Variants in HIVEP2 observed in about 807,000 individuals in gnomAD.
HIVEP2 encodes the protein transcription factor HIVEP2.
Under a neutral mutation model 180.7 loss-of-function variants are expected in HIVEP2, and 14 were observed. The ratio of observed to expected loss-of-function variants is 0.08; its 90% CI spans 0.05 to 0.12. The LOEUF is 0.12. Ranked by LOEUF, HIVEP2 falls within the 10% of genes least tolerant of loss-of-function variation. The pLI, the probability that HIVEP2 is intolerant of heterozygous loss-of-function variation, is 1.00. For missense variants in HIVEP2, 2,579 were observed against 3,008.5 expected, an observed-to-expected ratio of 0.86 and a Z score of 3.34; for synonymous variants, 1,184 against 1,136.4, an observed-to-expected ratio of 1.04 and a Z score of -0.84.
At chr6:142,818,711 GAAAGAAAGAAAA>G in intron 2 of HIVEP2, among the ~76,000 whole-genome samples, 1 of 37,950 alleles carries the variant, frequency 2.6e-5, no homozygotes, top group Non-Finnish European at 6.0e-5. Flanking sequence ...AAGAAAGAAA[GAAAGAAAGAAAA>G]GAAAGAAAGA....
chr6:142,770,603 A>G lies in HIVEP2; in HGVS notation c.4136T>C (p.Val1379Ala), dbSNP rs1399521001. 1 of 1,614,058 alleles carries G rather than the reference A, an allele frequency of 6.2e-7. No individual in the cohort carries two copies. The highest frequency in any genetic ancestry group is 1.3e-5 in the African/African-American group (1 of 74,922). Residue 1379 changes from valine to alanine, a missense_variant, in exon 5 of 10, where the codon GTC becomes GCC. Val to Ala is a moderately conservative substitution (Grantham distance 64, BLOSUM62 0). This residue lies in a region of HIVEP2 where 523 missense variants were observed against 577.0 expected (regional missense o/e 0.91). Coordinates refer to ENST00000367603, the MANE Select transcript of HIVEP2 (RefSeq NM_006734.4). This position sits in a 1 kb window ranked among gnomAD's most constrained non-coding sequence, Gnocchi z 4.7. ...TATCCCTTGCATGGCTGCGTTGGTG[A>G]CCAGTGTCCTTTGGGTCATATTCTC... ...VDENMTQRTL[V>A]TNAAMQGIGF...
At chr6:142,897,408 A>G (rs1777028088) in intron 1 of HIVEP2, among the ~76,000 whole-genome samples, 1 of 152,250 alleles carries the variant, frequency 6.6e-6, no homozygotes. Context: ...GAGATGTACC[A>G]TAATATTCAT....
chr6:142,847,721 T>A (rs1472538307), intron 1 of HIVEP2, among the ~76,000 whole-genome samples: 1 of 152,230 alleles, frequency 6.6e-6, no homozygotes, highest in African/African-American at 2.4e-5. Context: ...TGCTGAACAT[T>A]ATAAAAACAG....
intron 3 of HIVEP2, among the ~76,000 whole-genome samples, chr6:142,777,309 T>A (rs1432079019): frequency 6.6e-6 from 1 of 152,058 alleles, no homozygotes; most frequent in African/African-American, 2.4e-5. Flanking sequence ...ATATAGAAAC[T>A]TGTTCAGGGG....
Position 142,769,965 on chromosome 6 carries a change from C to G in HIVEP2, c.4774G>C (p.Gly1592Arg), listed in dbSNP as rs1256822769. The change falls in exon 5 of 10, where the codon GGT (glycine) becomes CGT (arginine). Residue 1592 changes from glycine to arginine, a missense_variant. Gly to Arg is a moderately radical substitution (Grantham distance 125, BLOSUM62 -2). Around this residue, in one of 11 missense-constraint regions of HIVEP2, gnomAD observed 349 missense variants for 367.2 expected, o/e 0.95. Coordinates refer to ENST00000367603, the MANE Select transcript of HIVEP2 (RefSeq NM_006734.4). The part of the protein sequence containing the change: ...PQSSSLPAGD[G>R]QLEEEGKGHK... Reference sequence around the variant, plus strand: ...CCCTTCCCTTCCTCTTCCAGCTGACCATCTCCTGCTGGTAATGAAGAACTC... The same window carrying G: ...CCCTTCCCTTCCTCTTCCAGCTGACGATCTCCTGCTGGTAATGAAGAACTC... 6.2e-7 allele frequency: 1 copy of G among 1,614,072 alleles called. No individual in the cohort carries two copies. The highest frequency in any genetic ancestry group is 1.1e-5 in the South Asian group (1 of 91,084).
intron 6 of HIVEP2, among the ~76,000 whole-genome samples, chr6:142,765,326 G>A (rs753150470): frequency 1.1e-4 from 17 of 152,040 alleles, no homozygotes; most frequent in Non-Finnish European, 1.9e-4. Flanking sequence ...TCCAATCAAG[G>A]GACATACAAA....
intron 3 of HIVEP2, among the ~76,000 whole-genome samples, chr6:142,777,869 C>T (rs893236633): frequency 2.6e-5 from 4 of 151,982 alleles, no homozygotes; most frequent in South Asian, 2.1e-4. Context: ...ATTCCTAAAG[C>T]GAAACTCAAA....
intron 3 of HIVEP2, among the ~76,000 whole-genome samples, chr6:142,781,912 G>C (rs1194142644): frequency 6.6e-6 from 1 of 152,066 alleles, no homozygotes; most frequent in African/African-American, 2.4e-5. Context: ...CAGTACCCAG[G>C]GTTGTCAATC....
intron 1 of HIVEP2, among the ~76,000 whole-genome samples, chr6:142,898,477 C>T (rs1777053988): frequency 6.6e-6 from 1 of 152,110 alleles, no homozygotes; most frequent in South Asian, 2.1e-4. Context: ...GCCTGGCCAA[C>T]ATGGCAAAAC....
chr6:142,793,656 C>CTTTCTTTCTTTCTTTTT (rs1269273663), intron 2 of HIVEP2, among the ~76,000 whole-genome samples: 1 of 77,334 alleles, frequency 1.3e-5, no homozygotes, highest in Non-Finnish European at 2.7e-5. Context: ...TTCTTTCTTT[C>CTTTCTTTCTTTCTTTTT]TTTTTTCTTT....
chr6:142,774,696 T>C lies in HIVEP2; in HGVS notation c.43A>G (p.Arg15Gly). Reference protein sequence around the residue: ...DTALGQKATSRSGETDKASGR... With the variant: ...DTALGQKATSGSGETDKASGR... The stretch of plus-strand genomic sequence containing the variant: ...GATGCTTTATCAGTTTCTCCAGACC[T>C]TGAGGTAGCTTTTTGTCCTAGAGCT... The change falls in exon 5 of 10, where the codon AGG becomes GGG. Residue 15 changes from arginine (R) to glycine (G), a missense_variant. Arg to Gly is a moderately radical substitution (Grantham distance 125). Transcript: ENST00000367603. This position sits in a 1 kb window ranked among gnomAD's most constrained non-coding sequence, Gnocchi z 5.1. 6.2e-7 allele frequency: 1 copy of C among 1,614,240 alleles called. No homozygotes were observed. Among genetic ancestry groups the C allele is most frequent in the Non-Finnish European group, 8.5e-7 (1 of 1,180,028 alleles).
intron 1 of HIVEP2, among the ~76,000 whole-genome samples, chr6:142,844,003 T>TG (rs1262105009): frequency 6.6e-6 from 1 of 152,140 alleles, no homozygotes; most frequent in African/African-American, 2.4e-5. Flanking sequence ...ATAAAAAGAA[T>TG]TTTTTTCTCC....
chr6:142,918,889 A>G (rs1045666099), intron 1 of HIVEP2, among the ~76,000 whole-genome samples: 4 of 152,180 alleles, frequency 2.6e-5, no homozygotes, highest in Non-Finnish European at 4.4e-5. Context: ...TTCCCACTAT[A>G]ATTTTTTAAA....
At chr6:142,881,430 T>A (rs1562276983) in intron 1 of HIVEP2, among the ~76,000 whole-genome samples, 1 of 152,218 alleles carries the variant, frequency 6.6e-6, no homozygotes, top group Admixed American at 6.5e-5. Flanking sequence ...TGTAGACAAC[T>A]AGAGCAACCA....
At chr6:142,830,389 T>C (rs1268664535) in intron 2 of HIVEP2, among the ~76,000 whole-genome samples, 4 of 152,128 alleles carry the variant, frequency 2.6e-5, no homozygotes, top group African/African-American at 7.2e-5. Flanking sequence ...AAGAAAAAGA[T>C]AGCTATTTTT....
At chr6:142,854,928 C>T (rs138199195) in intron 1 of HIVEP2, among the ~76,000 whole-genome samples, 304 of 152,278 alleles carry the variant, frequency 2.0e-3, no homozygotes, top group African/African-American at 7.0e-3. Flanking sequence ...GTCCACTCCA[C>T]CACAAATGAC....
In HIVEP2 at chr6:142,771,523, G is replaced by A; in HGVS notation, c.3216C>T (p.Ser1072=). The change falls in exon 5 of 10, where the codon TCC becomes TCT. Residue 1072 remains serine, a synonymous_variant. Transcript: ENST00000367603. This position sits in a 1 kb window ranked among gnomAD's most constrained non-coding sequence, Gnocchi z 5.4. ...SGAAASTVSP[S]RERKKCFLVR... Reference sequence around the variant, plus strand: ...CCAGAAAGCATTTCTTCCTCTCCCTGGACGGTGATACCGTGGAGGCTGCTG... The same window carrying A: ...CCAGAAAGCATTTCTTCCTCTCCCTAGACGGTGATACCGTGGAGGCTGCTG... 6.2e-7 allele frequency: 1 copy of A among 1,613,846 alleles called. No individual in the cohort carries two copies. Among genetic ancestry groups the A allele is most frequent in the Non-Finnish European group, 8.5e-7 (1 of 1,180,030 alleles).
At chr6:142,775,364 A>C (rs1353290739) in intron 4 of HIVEP2, among the ~76,000 whole-genome samples, 1 of 152,148 alleles carries the variant, frequency 6.6e-6, no homozygotes, top group Non-Finnish European at 1.5e-5. Flanking sequence ...TCTTTTAAAT[A>C]CTTTTTAACT....
chr6:142,801,037 T>C (rs1051878420), intron 2 of HIVEP2, among the ~76,000 whole-genome samples: 1 of 151,654 alleles, frequency 6.6e-6, no homozygotes, highest in Non-Finnish European at 1.5e-5. Context: ...GTGGGGAACA[T>C]AATGGACTGA....
Sources: allele counts gnomAD v4.1 joint callset (sites outside exome capture counted in the v4.1 genomes callset), GRCh38; gene constraint gnomAD v4.1.1; regional missense constraint gnomAD v4.1.1; non-coding constraint Gnocchi (gnomAD v3.1); transcripts MANE v1.5; gene names NCBI Gene and HGNC (gene_info 2026-07-23, HGNC 2026-07-21).